The following ANKS1B variants were observed in gnomAD, a reference collection of about 807,000 sequenced individuals.
The protein encoded by ANKS1B is ankyrin repeat and sterile alpha motif domain containing 1B.
ANKS1B carries 36 observed loss-of-function variants against 148.3 expected under a neutral mutation model. The observed-to-expected ratio is 0.24, with a 90% CI of 0.19 to 0.32. ANKS1B has a LOEUF of 0.32. Among genes scored for constraint, ANKS1B ranks in the 10% least tolerant of loss-of-function variants. The pLI, the probability that ANKS1B is intolerant of heterozygous loss-of-function variation, is 1.00. For synonymous variants in ANKS1B, 542 were observed against 560.8 expected (o/e 0.97, Z 0.47); for missense variants, 1,157 against 1,542.6 (o/e 0.75, Z 4.19).
chr12:99,353,451 G>T (rs2091655729), intron 12 of ANKS1B, among the ~76,000 whole-genome samples: 1 of 151,916 alleles, frequency 6.6e-6, no homozygotes, highest in South Asian at 2.1e-4. Flanking sequence ...ACCACAATAA[G>T]ATACCCAGGT....
intron 17 of ANKS1B, among the ~76,000 whole-genome samples, chr12:98,848,743 G>GTGTTTTTTTTTT (rs2099500322): frequency 2.1e-5 from 1 of 48,090 alleles, no homozygotes; most frequent in Non-Finnish European, 3.5e-5. Flanking sequence ...TGTATGTGTG[G>GTGTTTTTTTTTT]TTTTTTTTTT....
intron 1 of ANKS1B, among the ~76,000 whole-genome samples, chr12:99,875,251 A>G (rs1217954243): frequency 6.6e-6 from 1 of 152,180 alleles, no homozygotes; most frequent in Non-Finnish European, 1.5e-5. Context: ...TTTAAATTGC[A>G]TTTCAAAATG....
intron 17 of ANKS1B, among the ~76,000 whole-genome samples, chr12:99,037,204 TA>T (rs1454246594): frequency 6.6e-6 from 1 of 152,112 alleles, no homozygotes; most frequent in African/African-American, 2.4e-5. Context: ...CAAGCCAAGG[TA>T]AACCAAACTA....
chr12:99,279,306 T>C (rs890918093), intron 12 of ANKS1B, among the ~76,000 whole-genome samples: 29 of 152,226 alleles, frequency 1.9e-4, no homozygotes, highest in African/African-American at 6.8e-4. Context: ...AAAAGGGCTA[T>C]TGAGATATAA....
intron 12 of ANKS1B, among the ~76,000 whole-genome samples, chr12:99,364,090 G>T: frequency 6.6e-6 from 1 of 152,016 alleles, no homozygotes; most frequent in East Asian, 1.9e-4. Context: ...GCCCCCAAAA[G>T]GAGAGAGTCC....
chr12:99,814,723 G>T (rs1380908408), intron 2 of ANKS1B, among the ~76,000 whole-genome samples: 1 of 151,698 alleles, frequency 6.6e-6, no homozygotes, highest in Admixed American at 6.6e-5. Flanking sequence ...TGTGAAAATA[G>T]AATTTAGAGA....
intron 17 of ANKS1B, among the ~76,000 whole-genome samples, chr12:98,864,418 A>T (rs576164217): frequency 6.6e-6 from 1 of 152,224 alleles, no homozygotes; most frequent in Non-Finnish European, 1.5e-5. Context: ...GTGCCCAGAT[A>T]TGTGATCAAA....
chr12:99,644,809 A>G (rs1170420188), intron 9 of ANKS1B, among the ~76,000 whole-genome samples: 9 of 152,192 alleles, frequency 5.9e-5, no homozygotes, highest in South Asian at 2.1e-4. Flanking sequence ...TGGCAGGGCT[A>G]TCTCCTTCTG....
chr12:98,940,330 C>T (rs1207734825), intron 17 of ANKS1B, among the ~76,000 whole-genome samples: 1 of 152,206 alleles, frequency 6.6e-6, no homozygotes, highest in Admixed American at 6.5e-5. Context: ...ACGAAAGGCA[C>T]AGCCTACTGA....
At chr12:99,427,117 G>A (rs971076760) in intron 11 of ANKS1B, among the ~76,000 whole-genome samples, 8 of 152,128 alleles carry the variant, frequency 5.3e-5, no homozygotes, top group Admixed American at 6.5e-5. Context: ...GCTACAAAAC[G>A]TCCTAATTGT....
intron 17 of ANKS1B, among the ~76,000 whole-genome samples, chr12:99,005,721 C>A (rs1254080225): frequency 6.6e-6 from 1 of 152,062 alleles, no homozygotes; most frequent in East Asian, 1.9e-4. Flanking sequence ...TGTGTAGTTG[C>A]CCTTGGGCTT....
At chr12:99,714,661 T>C (rs141301440) in intron 8 of ANKS1B, among the ~76,000 whole-genome samples, 27 of 152,304 alleles carry the variant, frequency 1.8e-4, no homozygotes, top group African/African-American at 5.5e-4. Flanking sequence ...ATAAATGTTG[T>C]ATGTGTTCTG....
chr12:99,557,094 C>T (rs1162234521), intron 9 of ANKS1B, among the ~76,000 whole-genome samples: 1 of 152,120 alleles, frequency 6.6e-6, no homozygotes, highest in Non-Finnish European at 1.5e-5. Flanking sequence ...CTCTAGCTGC[C>T]TTTAACATTT....
intron 1 of ANKS1B, among the ~76,000 whole-genome samples, chr12:99,851,766 A>T (rs2087890738): frequency 6.6e-6 from 1 of 152,182 alleles, no homozygotes; most frequent in Admixed American, 6.5e-5. Context: ...TACCAGTCAC[A>T]GGAACAAAAA....
chr12:99,831,215 G>GGTT (rs2083927610), intron 1 of ANKS1B, among the ~76,000 whole-genome samples: 1 of 149,726 alleles, frequency 6.7e-6, no homozygotes, highest in Non-Finnish European at 1.5e-5. Flanking sequence ...CAACCTCACT[G>GGTT]GCAATCAAAG....
At chr12:99,486,331 G>A (rs748866855) in intron 10 of ANKS1B, among the ~76,000 whole-genome samples, 2 of 152,000 alleles carry the variant, frequency 1.3e-5, no homozygotes, top group Non-Finnish European at 2.9e-5. Flanking sequence ...GTCTTTGCAT[G>A]ATGGCTTTCT....
chr12:99,768,846 A>T (rs1196315694), intron 8 of ANKS1B, among the ~76,000 whole-genome samples: 1 of 150,752 alleles, frequency 6.6e-6, no homozygotes, highest in East Asian at 2.0e-4. Context: ...AAAAAAAAAA[A>T]AACACATCAG....
chr12:98,844,572 A>T (rs2099433847), intron 17 of ANKS1B, among the ~76,000 whole-genome samples: 1 of 152,172 alleles, frequency 6.6e-6, no homozygotes, highest in Admixed American at 6.5e-5. Flanking sequence ...AGACCAGGAG[A>T]ATGTCATAGA....
chr12:99,171,160 G>C (rs986121085), intron 14 of ANKS1B, among the ~76,000 whole-genome samples: 5 of 152,082 alleles, frequency 3.3e-5, no homozygotes, highest in Admixed American at 2.0e-4. Flanking sequence ...GAAAGATCTC[G>C]ACTAACAAAT....
Sources: gnomAD v4.1 joint callset for allele counts (sites outside exome capture counted in the v4.1 genomes callset) on GRCh38, gnomAD v4.1.1 for gene constraint, MANE v1.5 for transcripts, NCBI Gene and HGNC (gene_info 2026-07-23, HGNC 2026-07-21) for gene names.